Variants in ZFHX3 observed in about 807,000 individuals in gnomAD.
The protein encoded by ZFHX3 is zinc finger homeobox 3.
In ZFHX3, 42 loss-of-function variants were observed where a neutral mutation model predicts 279.1. The ratio of observed to expected loss-of-function variants is 0.15; its 90% CI spans 0.12 to 0.19. The LOEUF (loss-of-function observed/expected upper bound fraction) is 0.19, where lower values mean the gene tolerates loss of function less well. ZFHX3 is among the 10% of genes least tolerant of loss of function. The pLI is 1.00. For missense variants in ZFHX3, 4,981 were observed against 4,754.0 expected, an observed-to-expected ratio of 1.05 and a Z score of -1.40; for synonymous variants, 2,293 against 1,957.8, an observed-to-expected ratio of 1.17 and a Z score of -4.52.
rs546108831 is a variant in ZFHX3 at position 72,859,697 on chromosome 16, A to C, written c.3449-29838T>G. Among the ~76,000 whole-genome samples, 6 of 152,354 alleles carry C rather than the reference A, an allele frequency of 3.9e-5. No individual in the cohort carries two copies. The South Asian group carries it at 8.3e-4, about 21-fold the overall frequency. ...AAAATTCAGCGCAGAAACGAGCTTT[A>C]CTGAGACCATCCTTTAGTCTACAAG... On this transcript the variant is annotated intron_variant, in intron 4 of 9. Transcript: ENST00000268489.
At chr16:73,081,047 T>G (rs1965937273) in intron 8 of ZFHX3, among the ~76,000 whole-genome samples, 1 of 152,232 alleles carries the variant, frequency 6.6e-6, no homozygotes, top group Non-Finnish European at 1.5e-5. Flanking sequence ...CTTGCTAGAT[T>G]TGGTGCATTG....
intron 4 of ZFHX3, among the ~76,000 whole-genome samples, chr16:73,288,651 A>G (rs898187317): frequency 6.6e-6 from 1 of 151,750 alleles, no homozygotes; most frequent in Non-Finnish European, 1.5e-5. Flanking sequence ...TCGCCCCCAA[A>G]CTCAGTTTCC....
chr16:73,481,627 G>GT (rs917210519), intron 2 of ZFHX3, among the ~76,000 whole-genome samples: 1 of 147,992 alleles, frequency 6.8e-6, no homozygotes, highest in Non-Finnish European at 1.5e-5. Context: ...TTTTTTTGTT[G>GT]TTGTTTGTTT....
chr16:73,183,782 T>C (rs1377889885), intron 5 of ZFHX3, among the ~76,000 whole-genome samples: 1 of 152,072 alleles, frequency 6.6e-6, no homozygotes, highest in African/African-American at 2.4e-5. Flanking sequence ...AAGTGCGTTT[T>C]GGAGATGGGG....
At chr16:73,243,471 T>C (rs1481453600) in intron 5 of ZFHX3, among the ~76,000 whole-genome samples, 1 of 152,218 alleles carries the variant, frequency 6.6e-6, no homozygotes, top group Non-Finnish European at 1.5e-5. Flanking sequence ...CAGAATATCC[T>C]CCTTGTGAAA....
intron 5 of ZFHX3, among the ~76,000 whole-genome samples, chr16:73,240,899 G>C (rs2144943617): frequency 6.6e-6 from 1 of 152,312 alleles, no homozygotes; most frequent in East Asian, 1.9e-4. Flanking sequence ...TTCTGACTTT[G>C]AAGTCCCTTC....
intron 3 of ZFHX3, among the ~76,000 whole-genome samples, chr16:73,408,901 A>G (rs1212502738): frequency 6.6e-6 from 1 of 152,024 alleles, no homozygotes; most frequent in African/African-American, 2.4e-5. Context: ...ACCTGCTCAA[A>G]CTTTATAGAC....
intron 6 of ZFHX3, among the ~76,000 whole-genome samples, chr16:73,131,245 A>G (rs1017542818): frequency 3.9e-5 from 6 of 152,188 alleles, no homozygotes; most frequent in African/African-American, 1.4e-4. Flanking sequence ...TGTTATATAT[A>G]ATGAATGCCT....
At chr16:73,435,089 G>C (rs1471942714) in intron 3 of ZFHX3, among the ~76,000 whole-genome samples, 1 of 152,104 alleles carries the variant, frequency 6.6e-6, no homozygotes, top group Non-Finnish European at 1.5e-5. Flanking sequence ...TGGCTGGCTG[G>C]CATTGTGTTC....
chr16:73,428,388 G>T (rs1192236370), intron 3 of ZFHX3, among the ~76,000 whole-genome samples: 2 of 152,276 alleles, frequency 1.3e-5, no homozygotes, highest in Admixed American at 1.3e-4. Context: ...ATCGGTCCAT[G>T]CAATGCACGA....
intron 2 of ZFHX3, among the ~76,000 whole-genome samples, chr16:73,468,456 C>T (rs532712151): frequency 2.0e-5 from 3 of 152,186 alleles, no homozygotes; most frequent in African/African-American, 7.2e-5. Flanking sequence ...AAAAAATTAG[C>T]TAGGCGTGGT....
intron 3 of ZFHX3, among the ~76,000 whole-genome samples, chr16:73,435,471 A>G (rs2017981209): frequency 6.6e-6 from 1 of 152,134 alleles, no homozygotes; most frequent in African/African-American, 2.4e-5. Flanking sequence ...CGGCCTCCCA[A>G]AGTGCTGGGA....
intron 4 of ZFHX3, 79 bp from the exon 5 acceptor site, chr16:72,829,938 G>A: frequency 6.9e-7 from 1 of 1,445,562 alleles, no homozygotes; most frequent in Non-Finnish European, 9.7e-7. Flanking sequence ...GCAAACAACT[G>A]CCAACGACAG....
chr16:73,516,478 G>A (rs1421606690), intron 2 of ZFHX3, among the ~76,000 whole-genome samples: 3 of 152,162 alleles, frequency 2.0e-5, no homozygotes, highest in Non-Finnish European at 4.4e-5. Context: ...TCTATATTGT[G>A]ACACATGAGA....
At chr16:73,414,813 G>C (rs1597325811) in intron 3 of ZFHX3, among the ~76,000 whole-genome samples, 1 of 152,178 alleles carries the variant, frequency 6.6e-6, no homozygotes, top group Admixed American at 6.5e-5. Context: ...TTTAGACTGG[G>C]TGATAGAGTG....
At chr16:72,889,503 A>AAAG (rs1203890982) in intron 4 of ZFHX3, among the ~76,000 whole-genome samples, 15 of 149,918 alleles carry the variant, frequency 1.0e-4, no homozygotes, top group African/African-American at 2.5e-4. Flanking sequence ...AAAAAAAAAA[A>AAAG]AAGAAGAAGA....
At chr16:73,124,824 G>T (rs1159458436) in intron 7 of ZFHX3, among the ~76,000 whole-genome samples, 1 of 152,206 alleles carries the variant, frequency 6.6e-6, no homozygotes, top group East Asian at 1.9e-4. Flanking sequence ...GGTCAAGAGG[G>T]TTGCTTAACA....
intron 1 of ZFHX3, among the ~76,000 whole-genome samples, chr16:73,862,042 C>T (rs1415039822): frequency 6.6e-6 from 1 of 152,186 alleles, no homozygotes; most frequent in East Asian, 1.9e-4. Flanking sequence ...GTTACATTTC[C>T]TAGCTGCCCC....
intron 5 of ZFHX3, among the ~76,000 whole-genome samples, chr16:73,209,225 A>G (rs1421758070): frequency 6.6e-6 from 1 of 152,238 alleles, no homozygotes; most frequent in Non-Finnish European, 1.5e-5. Flanking sequence ...AATATAAGTA[A>G]TATATTTCAG....
Sources: gnomAD v4.1 joint callset for allele counts (sites outside exome capture counted in the v4.1 genomes callset) on GRCh38, gnomAD v4.1.1 for gene constraint, MANE v1.5 for transcripts, NCBI Gene and HGNC (gene_info 2026-07-23, HGNC 2026-07-21) for gene names.